GOLGB1: variants seen among roughly 807,000 people sequenced by gnomAD.
GOLGB1 encodes golgin subfamily B member 1.
A neutral mutation model predicts 336.9 loss-of-function variants in GOLGB1; 174 were observed. That is an observed-to-expected ratio of 0.52 (90% CI 0.46 to 0.59). The LOEUF (loss-of-function observed/expected upper bound fraction) is 0.59. Among genes scored for constraint, GOLGB1 ranks in the 20% least tolerant of loss-of-function variants. The pLI is 0.00. For synonymous variants in GOLGB1, 1,208 were observed against 1,289.2 expected (o/e 0.94, Z 1.35); for missense variants, 3,331 against 3,645.3 (o/e 0.91, Z 2.22).
At chr3:121,676,266 C>G (rs1324714071) in intron 17 of GOLGB1, among the ~76,000 whole-genome samples, 1 of 152,198 alleles carries the variant, frequency 6.6e-6, no homozygotes, top group African/African-American at 2.4e-5. Context: ...TACTCCAGGG[C>G]CTTTTTCCTC....
At chr3:121,676,323 C>T (rs1434867550) in intron 17 of GOLGB1, among the ~76,000 whole-genome samples, 1 of 152,184 alleles carries the variant, frequency 6.6e-6, no homozygotes, top group African/African-American at 2.4e-5. Flanking sequence ...GGATCACAGA[C>T]CCCTTGGTCA....
chr3:121,678,511 C>G (rs1447753933), intron 15 of GOLGB1, among the ~76,000 whole-genome samples: 3 of 152,118 alleles, frequency 2.0e-5, no homozygotes, highest in African/African-American at 4.8e-5. Flanking sequence ...GCTGCTTGAT[C>G]AGCAGCAATG....
chr3:121,713,841 A>G (rs1944540896), intron 10 of GOLGB1, among the ~76,000 whole-genome samples: 1 of 152,224 alleles, frequency 6.6e-6, no homozygotes, highest in Non-Finnish European at 1.5e-5. Flanking sequence ...ATGCTGACAA[A>G]TTTAGAGAGA....
chr3:121,715,282 T>C (rs966209691), intron 9 of GOLGB1, among the ~76,000 whole-genome samples: 4 of 151,342 alleles, frequency 2.6e-5, no homozygotes, highest in African/African-American at 9.7e-5. Context: ...CGGCTCACTG[T>C]AACCTCTGAC....
At position 121,667,484 on chromosome 3, in the gene GOLGB1, C is replaced by A; in HGVS notation, c.9546G>T (p.Gln3182His). Reference sequence around the variant, plus strand: ...TCTCCTTCAGCCTTTACCGTCTGATCTGCTCCTCGGCCACAGAGAGAGCAT... The same window carrying A: ...TCTCCTTCAGCCTTTACCGTCTGATATGCTCCTCGGCCACAGAGAGAGCAT... The part of the protein sequence containing the change: ...AENALSVAEE[Q>H]IRRLEHSEWD... The change falls in exon 20 of 22, where the codon CAG becomes CAT. Residue 3182 changes from glutamine to histidine, a missense_variant. Physicochemically the swap from Gln to His is conservative, Grantham distance 24. Coordinates refer to ENST00000614479, the MANE Select transcript of GOLGB1 (RefSeq NM_001366282.2). 3.7e-6 allele frequency: 6 copies of A among 1,613,892 alleles called. No homozygotes were observed. The highest frequency in any genetic ancestry group is 5.1e-6 in the Non-Finnish European group (6 of 1,179,858).
chr3:121,698,567 T>C lies in GOLGB1; in HGVS notation c.1956A>G (p.Arg652=), dbSNP rs540088006. The C allele has an allele frequency of 1.7e-5, 27 of 1,613,820 alleles. No individual in the cohort carries two copies. In the South Asian group the frequency reaches 1.9e-4, roughly 11 times the overall value. ...KEQASTEHQS[R]TSEEISLNDA... ...CATTTAAAGATATTTCCTCAGATGTTCTACTTTGATGTTCAGTGCTCGCCT... is the reference window on the plus strand; with the variant it reads ...CATTTAAAGATATTTCCTCAGATGTCCTACTTTGATGTTCAGTGCTCGCCT... The change falls in exon 13 of 22, where the codon AGA becomes AGG. Residue 652 remains arginine, a synonymous_variant. Coordinates refer to ENST00000614479, the MANE Select transcript of GOLGB1 (RefSeq NM_001366282.2).
chr3:121,726,876 A>C, intron 5 of GOLGB1, 37 bp downstream of exon 5: 2 of 1,493,130 alleles, frequency 1.3e-6, no homozygotes, highest in Non-Finnish European at 9.0e-7. Context: ...TTAGTGATTC[A>C]TTAACCTAAT....
In GOLGB1 at chr3:121,736,345, C is replaced by G. The variant is rs539739340; in HGVS notation, c.-2-5372G>C. On this transcript the variant is annotated intron_variant, in intron 1 of 21. Transcript: ENST00000614479. ...GCAACCACCACCTCAACCAAGTGATCAAGATTAACATCACCAGTGATAAGT... is the reference window on the plus strand; with the variant it reads ...GCAACCACCACCTCAACCAAGTGATGAAGATTAACATCACCAGTGATAAGT... 2.0e-5 allele frequency among the ~76,000 whole-genome samples: 3 copies of G among 152,226 alleles called. No homozygotes were observed. In the South Asian group the frequency reaches 6.2e-4, roughly 32 times the overall value.
At chr3:121,670,756 G>GT (rs11427070) in intron 17 of GOLGB1, among the ~76,000 whole-genome samples, 1 of 64,282 alleles carries the variant, frequency 1.6e-5, no homozygotes. Flanking sequence ...GTTTTCTTTT[G>GT]GGGGGGGGGG....
At chr3:121,747,313 GTATA>G (rs988443934) in intron 1 of GOLGB1, among the ~76,000 whole-genome samples, 1 of 140,144 alleles carries the variant, frequency 7.1e-6, no homozygotes, top group African/African-American at 2.6e-5. Flanking sequence ...ATGTATATAT[GTATA>G]TATGTGTATA....
At chr3:121,712,053 A>G (rs561958465) in intron 10 of GOLGB1, among the ~76,000 whole-genome samples, 44 of 152,350 alleles carry the variant, frequency 2.9e-4, no homozygotes, top group South Asian at 6.2e-4. Context: ...TACTATTAAT[A>G]CTTGACTTCA....
intron 10 of GOLGB1, among the ~76,000 whole-genome samples, chr3:121,707,169 G>A (rs1282626522): frequency 4.1e-5 from 6 of 145,274 alleles, no homozygotes; most frequent in African/African-American, 1.5e-4. Context: ...GGAGATTGCA[G>A]TGAGTCAAGA....
At chr3:121,710,303 C>A (rs1050363020) in intron 10 of GOLGB1, among the ~76,000 whole-genome samples, 1 of 152,046 alleles carries the variant, frequency 6.6e-6, no homozygotes, top group Non-Finnish European at 1.5e-5. Context: ...AAAGGAAACA[C>A]TCCCAGAAAA....
At chr3:121,684,036 G>A (rs1301768603) in intron 14 of GOLGB1, among the ~76,000 whole-genome samples, 1 of 147,996 alleles carries the variant, frequency 6.8e-6, no homozygotes, top group Admixed American at 6.9e-5. Flanking sequence ...GCTGAGGCAG[G>A]AGAATCGCTT....
chr3:121,665,588 C>G (rs1253093821), intron 20 of GOLGB1, among the ~76,000 whole-genome samples: 3 of 152,214 alleles, frequency 2.0e-5, no homozygotes, highest in African/African-American at 7.2e-5. Flanking sequence ...TGGCAGTCTC[C>G]ACTGCCTTCT....
At position 121,741,586 on chromosome 3, in the gene GOLGB1, T is replaced by C. The variant is rs560846519; in HGVS notation, c.-3+8046A>G. 7.2e-5 allele frequency among the ~76,000 whole-genome samples: 11 copies of C among 152,272 alleles called. No homozygotes were observed. In the South Asian group the frequency reaches 1.7e-3, roughly 23 times the overall value. On this transcript the variant is annotated intron_variant, in intron 1 of 21. Coordinates refer to ENST00000614479, the MANE Select transcript of GOLGB1 (RefSeq NM_001366282.2). Reference sequence around the variant, plus strand: ...AATGTAGAATTAAAGCAAATGATAATTATGGATACACTAATTCTGTATTTT... The same window carrying C: ...AATGTAGAATTAAAGCAAATGATAACTATGGATACACTAATTCTGTATTTT...
At position 121,693,739 on chromosome 3, in the gene GOLGB1, A is replaced by G; in HGVS notation, c.6782+2T>C. 1 of 1,588,856 alleles carries G rather than the reference A, an allele frequency of 6.3e-7. No homozygotes were observed. The highest frequency in any genetic ancestry group is 8.6e-7 in the Non-Finnish European group (1 of 1,163,922). ...AGGAGGAAAAATTCACTACTCATTT[A>G]CCTGGAAATGTTAATCTTTAATTCT... On this transcript the variant is annotated splice_donor_variant, in intron 13 of 21. Coordinates refer to ENST00000614479, the MANE Select transcript of GOLGB1 (RefSeq NM_001366282.2). LOFTEE classifies it high-confidence loss of function.
At chr3:121,709,703 A>C (rs1163617657) in intron 10 of GOLGB1, among the ~76,000 whole-genome samples, 1 of 152,204 alleles carries the variant, frequency 6.6e-6, no homozygotes, top group Non-Finnish European at 1.5e-5. Flanking sequence ...TTAAATGTTC[A>C]TATGAGAAAA....
chr3:121,730,322 A>G (rs1483237190), intron 2 of GOLGB1: 1 of 243,854 alleles, frequency 4.1e-6, no homozygotes, highest in East Asian at 9.2e-5. Flanking sequence ...GTTAAAATTA[A>G]GAGTAGTTAA....
Sources: allele counts gnomAD v4.1 joint callset (sites outside exome capture counted in the v4.1 genomes callset), GRCh38; gene constraint gnomAD v4.1.1; transcripts MANE v1.5; gene names NCBI Gene and HGNC (gene_info 2026-07-23, HGNC 2026-07-21).